The following APBA2 variants were observed in gnomAD, a reference collection of about 807,000 sequenced individuals.
APBA2 encodes amyloid-beta A4 precursor protein-binding family A member 2.
A neutral mutation model predicts 75.0 loss-of-function variants in APBA2; 30 were observed. The ratio of observed to expected loss-of-function variants is 0.40; its 90% CI spans 0.30 to 0.54. The LOEUF is 0.54. APBA2 is among the 20% of genes least tolerant of loss of function. The pLI is 0.49. For synonymous variants in APBA2, 444 were observed against 409.6 expected (o/e 1.08, Z -1.01); for missense variants, 801 against 1,016.1 (o/e 0.79, Z 2.88).
chr15:28,969,678 G>T (rs1004019042), intron 2 of APBA2, among the ~76,000 whole-genome samples: 5 of 152,202 alleles, frequency 3.3e-5, no homozygotes, highest in Non-Finnish European at 7.3e-5. Flanking sequence ...CGGAGTTGGA[G>T]GTGGCCTCTG....
chr15:28,971,025 G>C (rs960394836), intron 2 of APBA2, among the ~76,000 whole-genome samples: 1 of 152,092 alleles, frequency 6.6e-6, no homozygotes, highest in Admixed American at 6.5e-5. Context: ...TGACACCCAG[G>C]ACACCAGGGC....
At chr15:29,024,833 T>A (rs2040134605) in intron 3 of APBA2, among the ~76,000 whole-genome samples, 1 of 152,116 alleles carries the variant, frequency 6.6e-6, no homozygotes, top group Non-Finnish European at 1.5e-5. Context: ...TGCATGGGGC[T>A]CGTGTTGCCC....
rs12438321 is a variant in APBA2, at chr15:29,005,265, T to C, written c.-41+9459T>C. Among the ~76,000 whole-genome samples the C allele has an allele frequency of 2.4e-4, 36 of 152,188 alleles. No individual in the cohort carries two copies. In the East Asian group the frequency reaches 6.8e-3, roughly 29 times the overall value. ...TGGACAATGGGAATAATGTGCCTTT[T>C]TTTTTGTTTTTTTGAGGTAGCACCT... On this transcript the variant is annotated intron_variant, in intron 3 of 14. Transcript: ENST00000683413.
At chr15:28,912,482 G>A (rs540949013) in intron 1 of APBA2, among the ~76,000 whole-genome samples, 1 of 152,346 alleles carries the variant, frequency 6.6e-6, no homozygotes, top group Non-Finnish European at 1.5e-5. Flanking sequence ...AAGGCAAGGA[G>A]CTCATAAAAG....
At chr15:28,974,998 C>T (rs901472716) in intron 2 of APBA2, among the ~76,000 whole-genome samples, 3 of 152,016 alleles carry the variant, frequency 2.0e-5, no homozygotes, top group Non-Finnish European at 4.4e-5. Context: ...AAACCTCTGT[C>T]TAAGCTAATC....
intron 1 of APBA2, among the ~76,000 whole-genome samples, chr15:28,915,198 A>T (rs2033626947): frequency 9.8e-5 from 10 of 101,720 alleles, no homozygotes; most frequent in East Asian, 6.0e-4. Flanking sequence ...ACCACACACC[A>T]CACACATAGC....
At chr15:29,093,499 A>G (rs1336080908) in intron 7 of APBA2, among the ~76,000 whole-genome samples, 2 of 152,264 alleles carry the variant, frequency 1.3e-5, no homozygotes, top group African/African-American at 4.8e-5. Flanking sequence ...TCTAGTCATC[A>G]AACAATCCCA....
chr15:28,955,983 C>G (rs935823390), intron 2 of APBA2, among the ~76,000 whole-genome samples: 1 of 152,210 alleles, frequency 6.6e-6, no homozygotes, highest in Non-Finnish European at 1.5e-5. Flanking sequence ...AGGCCCCACC[C>G]TGGCTCTGCT....
intron 3 of APBA2, among the ~76,000 whole-genome samples, chr15:28,996,356 C>T (rs2038521455): frequency 6.6e-6 from 1 of 152,166 alleles, no homozygotes; most frequent in Non-Finnish European, 1.5e-5. Flanking sequence ...CCTCATCTTG[C>T]CAGGGATGGA....
chr15:28,905,449 CA>C (rs2152638428), intron 1 of APBA2, among the ~76,000 whole-genome samples: 1 of 152,288 alleles, frequency 6.6e-6, no homozygotes, highest in East Asian at 1.9e-4. Context: ...TTTCATTCTC[CA>C]ATACTGAGAA....
intron 3 of APBA2, among the ~76,000 whole-genome samples, chr15:28,998,887 C>T (rs1421446803): frequency 6.6e-6 from 1 of 152,208 alleles, no homozygotes; most frequent in Non-Finnish European, 1.5e-5. Flanking sequence ...TGGTTCACAC[C>T]TGTAATCCCA....
chr15:28,950,692 G>C (rs547700619), intron 2 of APBA2, among the ~76,000 whole-genome samples: 1 of 152,224 alleles, frequency 6.6e-6, no homozygotes, highest in South Asian at 2.1e-4. Flanking sequence ...CCTGGAAGGA[G>C]GTCGATGTGC....
intron 6 of APBA2, among the ~76,000 whole-genome samples, chr15:29,084,181 GT>G (rs1243021590): frequency 1.3e-5 from 2 of 152,062 alleles, no homozygotes; most frequent in Non-Finnish European, 2.9e-5. Flanking sequence ...TAGATTTTTA[GT>G]TGTTTTCTTG....
chr15:28,985,966 T>C (rs1163300980), intron 2 of APBA2, among the ~76,000 whole-genome samples: 1 of 152,182 alleles, frequency 6.6e-6, no homozygotes, highest in Non-Finnish European at 1.5e-5. Context: ...GACACCTCCA[T>C]TCCAGCAAGA....
intron 1 of APBA2, among the ~76,000 whole-genome samples, chr15:28,903,751 C>A (rs1477319608): frequency 1.3e-5 from 2 of 152,156 alleles, no homozygotes; most frequent in Non-Finnish European, 2.9e-5. Context: ...CATGACAGAG[C>A]CAGGACCTGG....
chr15:28,943,482 A>T (rs912710251), intron 2 of APBA2, among the ~76,000 whole-genome samples: 1 of 152,206 alleles, frequency 6.6e-6, no homozygotes, highest in Non-Finnish European at 1.5e-5. Flanking sequence ...TGCTACCACA[A>T]GCCCTTTCTG....
chr15:28,906,061 A>G (rs2033117007), intron 1 of APBA2, among the ~76,000 whole-genome samples: 1 of 152,016 alleles, frequency 6.6e-6, no homozygotes, highest in Non-Finnish European at 1.5e-5. Context: ...TGTCTTTTAC[A>G]CAAATACATG....
At chr15:29,048,043 T>G (rs1398619737) in intron 3 of APBA2, among the ~76,000 whole-genome samples, 2 of 152,192 alleles carry the variant, frequency 1.3e-5, no homozygotes, top group African/African-American at 4.8e-5. Context: ...AGACTCAGTA[T>G]TGTAAGTATG....
intron 2 of APBA2, among the ~76,000 whole-genome samples, chr15:28,963,664 A>C (rs2036589317): frequency 6.6e-6 from 1 of 152,170 alleles, no homozygotes; most frequent in South Asian, 2.1e-4. Context: ...ATAAATCTCA[A>C]GGAATTTGGG....
Sources: allele counts gnomAD v4.1 joint callset (sites outside exome capture counted in the v4.1 genomes callset), GRCh38; gene constraint gnomAD v4.1.1; transcripts MANE v1.5; gene names NCBI Gene and HGNC (gene_info 2026-07-23, HGNC 2026-07-21).